The following TMEM108 variants were observed in gnomAD, a reference collection of about 807,000 sequenced individuals.
TMEM108 encodes the protein cancer/testis antigen 124.
Under a neutral mutation model 35.1 loss-of-function variants are expected in TMEM108, and 12 were observed. The observed-to-expected ratio is 0.34, with a 90% confidence interval of 0.22 to 0.55. The LOEUF is 0.55. TMEM108 is among the 20% of genes least tolerant of loss of function. The pLI, the probability that TMEM108 is intolerant of heterozygous loss-of-function variation, is 0.89. For missense variants in TMEM108, 680 were observed against 753.3 expected (o/e 0.90, Z 1.14); for synonymous variants, 287 against 308.6 (o/e 0.93, Z 0.73).
intron 3 of TMEM108, among the ~76,000 whole-genome samples, chr3:133,331,048 G>A (rs895007098): frequency 4.6e-5 from 7 of 152,124 alleles, no homozygotes; most frequent in African/African-American, 1.7e-4. Context: ...GGCTGATAAT[G>A]TTTGGTGCAT....
chr3:133,273,307 G>A (rs1010039227), intron 3 of TMEM108, among the ~76,000 whole-genome samples: 5 of 152,192 alleles, frequency 3.3e-5, no homozygotes, highest in African/African-American at 4.8e-5. Flanking sequence ...AAGAGTAAAT[G>A]TGGGTTTTTT....
chr3:133,334,719 T>C (rs2071459047), intron 3 of TMEM108, among the ~76,000 whole-genome samples: 2 of 152,168 alleles, frequency 1.3e-5, no homozygotes, highest in South Asian at 2.1e-4. Flanking sequence ...CTTAAAGTAA[T>C]TAAATAGTTA....
At chr3:133,115,543 A>T (rs1944277945) in intron 2 of TMEM108, among the ~76,000 whole-genome samples, 1 of 152,266 alleles carries the variant, frequency 6.6e-6, no homozygotes, top group South Asian at 2.1e-4. Flanking sequence ...AAACCAGGTT[A>T]TCTACTTCCA....
At position 133,181,008 on chromosome 3, in the gene TMEM108, T is replaced by TAAAAAAAAAAAAAAAAA. The variant is rs369228472; in HGVS notation, c.-46-48244_-46-48228dup. On this transcript the variant is annotated intron_variant, in intron 2 of 5. Coordinates refer to ENST00000321871, the MANE Select transcript of TMEM108 (RefSeq NM_023943.4). ...TGTACTGGCTATTGGGCAGTTGTGT[T>TAAAAAAAAAAAAAAAAA]AAAAAAAAAAAAAAAAAAAAAAAAA... Among the ~76,000 whole-genome samples the TAAAAAAAAAAAAAAAAA allele has an allele frequency of 1.5e-3, 116 of 75,836 alleles. 14 individuals carry two copies. Among genetic ancestry groups the TAAAAAAAAAAAAAAAAA allele is most frequent in the Non-Finnish European group, 2.0e-3 (80 of 40,154 alleles). The allele number at this position is 75,836 out of a possible 152,430, so 49.8% of individuals were successfully genotyped here.
intron 3 of TMEM108, among the ~76,000 whole-genome samples, chr3:133,259,497 C>T (rs1318379489): frequency 1.3e-5 from 2 of 152,236 alleles, no homozygotes; most frequent in South Asian, 2.1e-4. Context: ...CCCCATTATA[C>T]AGTTGAGGAA....
intron 3 of TMEM108, among the ~76,000 whole-genome samples, chr3:133,312,144 C>T (rs1437743723): frequency 6.6e-6 from 1 of 152,246 alleles, no homozygotes; most frequent in Non-Finnish European, 1.5e-5. Context: ...AGGTGTCTGT[C>T]AGCCCCTACT....
At chr3:133,328,076 T>C (rs1198693519) in intron 3 of TMEM108, among the ~76,000 whole-genome samples, 1 of 152,190 alleles carries the variant, frequency 6.6e-6, no homozygotes, top group Non-Finnish European at 1.5e-5. Context: ...TGATCTCATG[T>C]CAGTGTGTTG....
At chr3:133,344,639 C>T (rs2071761303) in intron 3 of TMEM108, among the ~76,000 whole-genome samples, 1 of 151,656 alleles carries the variant, frequency 6.6e-6, no homozygotes, top group African/African-American at 2.4e-5. Context: ...AAAACAATCA[C>T]ACTTATGAAT....
At chr3:133,044,921 A>G (rs1455810460) in intron 1 of TMEM108, among the ~76,000 whole-genome samples, 1 of 151,742 alleles carries the variant, frequency 6.6e-6, no homozygotes, top group Non-Finnish European at 1.5e-5. Context: ...CACACAGTAC[A>G]TAGTGAGACC....
intron 2 of TMEM108, among the ~76,000 whole-genome samples, chr3:133,204,144 C>T (rs953717224): frequency 6.6e-6 from 1 of 151,636 alleles, no homozygotes; most frequent in Admixed American, 6.6e-5. Context: ...GGTGACTGAT[C>T]CTCTCTATCA....
intron 3 of TMEM108, among the ~76,000 whole-genome samples, chr3:133,312,869 C>T (rs2071151620): frequency 6.6e-6 from 1 of 151,564 alleles, no homozygotes; most frequent in Non-Finnish European, 1.5e-5. Context: ...GGAACGGAAC[C>T]CTCCCTCCTT....
chr3:133,169,493 G>T (rs1229638703), intron 2 of TMEM108, among the ~76,000 whole-genome samples: 1 of 152,218 alleles, frequency 6.6e-6, no homozygotes, highest in Non-Finnish European at 1.5e-5. Flanking sequence ...GAGAGAGCTT[G>T]TGAATGCTGC....
intron 3 of TMEM108, among the ~76,000 whole-genome samples, chr3:133,288,604 CTCCT>C (rs1947018394): frequency 1.3e-5 from 2 of 152,176 alleles, no homozygotes; most frequent in Non-Finnish European, 2.9e-5. Flanking sequence ...AACACTCCAC[CTCCT>C]ACCTGTCTGA....
At chr3:133,307,247 A>C (rs933109742) in intron 3 of TMEM108, among the ~76,000 whole-genome samples, 1 of 152,102 alleles carries the variant, frequency 6.6e-6, no homozygotes, top group Non-Finnish European at 1.5e-5. Flanking sequence ...AATTTGTTTA[A>C]GTTCTTTGTA....
At chr3:133,301,938 A>G (rs576234729) in intron 3 of TMEM108, among the ~76,000 whole-genome samples, 191 of 152,292 alleles carry the variant, frequency 1.3e-3, no homozygotes, top group African/African-American at 4.3e-3. Flanking sequence ...CCATGGAGAC[A>G]GGAAACTCAG....
intron 3 of TMEM108, among the ~76,000 whole-genome samples, chr3:133,306,012 G>A (rs1390530304): frequency 6.6e-6 from 1 of 152,010 alleles, no homozygotes; most frequent in African/African-American, 2.4e-5. Flanking sequence ...CCTATGTTAT[G>A]CAGATATTTT....
At chr3:133,050,435 C>A (rs1480246489) in intron 2 of TMEM108, among the ~76,000 whole-genome samples, 1 of 152,142 alleles carries the variant, frequency 6.6e-6, no homozygotes, top group African/African-American at 2.4e-5. Flanking sequence ...CCTATACATG[C>A]ATGGCCTCCC....
intron 3 of TMEM108, among the ~76,000 whole-genome samples, chr3:133,250,202 G>T (rs1946448245): frequency 6.6e-6 from 1 of 152,032 alleles, no homozygotes; most frequent in African/African-American, 2.4e-5. Context: ...GAACAATGTG[G>T]GTCCACTTCT....
At chr3:133,285,880 T>G (rs1047290957) in intron 3 of TMEM108, among the ~76,000 whole-genome samples, 2 of 152,220 alleles carry the variant, frequency 1.3e-5, no homozygotes, top group African/African-American at 4.8e-5. Flanking sequence ...TCCAGTCATA[T>G]CTTTTTAGTT....
Sources: gnomAD v4.1 joint callset for allele counts (sites outside exome capture counted in the v4.1 genomes callset) on GRCh38, gnomAD v4.1.1 for gene constraint, MANE v1.5 for transcripts, NCBI Gene and HGNC (gene_info 2026-07-23, HGNC 2026-07-21) for gene names.